The following SEPTIN11 variants were observed in gnomAD, a reference collection of about 807,000 sequenced individuals.
The protein encoded by SEPTIN11 is septin-11.
Under a neutral mutation model 51.4 loss-of-function variants are expected in SEPTIN11, and 25 were observed. That is an observed-to-expected ratio of 0.49 (90% CI 0.35 to 0.68). The LOEUF is 0.68. SEPTIN11 is among the 30% of genes least tolerant of loss of function. The pLI is 0.00. For missense variants in SEPTIN11, 381 were observed against 520.8 expected (o/e 0.73, Z 2.61); for synonymous variants, 174 against 184.1 (o/e 0.95, Z 0.44).
chr4:77,037,072 C>T lies in SEPTIN11; in HGVS notation c.*2560C>T, dbSNP rs902815048. 1.1e-5 allele frequency: 13 copies of T among 1,133,174 alleles called. No individual in the cohort carries two copies. The highest frequency in any genetic ancestry group is 1.6e-5 in the African/African-American group (1 of 61,184). The allele number at this position is 1,133,174 out of a possible 1,614,324, so 70.2% of individuals were successfully genotyped here. A position where few individuals can be genotyped will look rare whatever the true frequency, so the allele number is the denominator to read the frequency against. On this transcript the variant is annotated 3_prime_UTR_variant, in exon 10 of 10. Transcript: ENST00000264893. The stretch of plus-strand genomic sequence containing the variant: ...ACCTGAATTTGGAAATCCGAAATTA[C>T]TAATCCAGGCCAGGTGTGGTGGCTC...
intron 1 of SEPTIN11, among the ~76,000 whole-genome samples, chr4:76,993,851 T>C (rs1723511901): frequency 6.6e-6 from 1 of 152,240 alleles, no homozygotes; most frequent in Non-Finnish European, 1.5e-5. Flanking sequence ...TCATTTTGTA[T>C]GTGGTTTTCA....
At chr4:76,996,042 T>G (rs1723693201) in intron 1 of SEPTIN11, 2 of 1,039,962 alleles carry the variant, frequency 1.9e-6, no homozygotes, top group Admixed American at 4.9e-5. Flanking sequence ...TTTTTCACTA[T>G]GAGTTGACAG....
rs762196941 is a variant in SEPTIN11, at chr4:77,011,758, T to C, written c.362T>C (p.Ile121Thr). The change falls in exon 4 of 10, where the codon ATT becomes ACT. Residue 121 changes from isoleucine to threonine, a missense_variant. Around this residue, in one of 2 missense-constraint regions of SEPTIN11, gnomAD observed 184 missense variants for 207.7 expected, o/e 0.89. Transcript: ENST00000264893. Reference sequence around the variant, plus strand: ...AGCTATAAGCCGATAGTAGAATATATTGATGCCCAGTTCGAGGCCTACCTG... The same window carrying C: ...AGCTATAAGCCGATAGTAGAATATACTGATGCCCAGTTCGAGGCCTACCTG... ...DDSYKPIVEYIDAQFEAYLQE... is the reference protein window; with the variant it reads ...DDSYKPIVEYTDAQFEAYLQE... 1.2e-6 allele frequency: 2 copies of C among 1,614,122 alleles called. No individual in the cohort carries two copies. Among genetic ancestry groups the C allele is most frequent in the Non-Finnish European group, 1.7e-6 (2 of 1,179,976 alleles).
At chr4:76,955,096 T>C (rs1051123095) in intron 1 of SEPTIN11, among the ~76,000 whole-genome samples, 1 of 152,210 alleles carries the variant, frequency 6.6e-6, no homozygotes, top group East Asian at 1.9e-4. Flanking sequence ...AATTGATTTT[T>C]TTTCTCTTAT....
chr4:77,030,692 G>C, intron 8 of SEPTIN11, 91 bp from the exon 9 acceptor site: 1 of 1,222,924 alleles, frequency 8.2e-7, no homozygotes, highest in Non-Finnish European at 1.1e-6. Context: ...ACCGTGCCTG[G>C]CCATGTTTTG....
chr4:76,998,881 G>A (rs1723920613), intron 2 of SEPTIN11, among the ~76,000 whole-genome samples: 1 of 152,050 alleles, frequency 6.6e-6, no homozygotes. Context: ...TTAGTTACAT[G>A]CTCAGCCTGG....
chr4:77,030,789 G>A lies in SEPTIN11; in HGVS notation c.1093G>A (p.Glu365Lys), dbSNP rs780450396. Residue 365 changes from glutamate to lysine, a missense_variant, in exon 9 of 10, where the codon GAG becomes AAG. By Grantham distance (56) the Glu-to-Lys change is moderately conservative. This residue lies in a region of SEPTIN11 where 197 missense variants were observed against 313.1 expected (regional missense o/e 0.63). Coordinates refer to ENST00000264893, the MANE Select transcript of SEPTIN11 (RefSeq NM_018243.4). ...ELKEAEKELH[E>K]KFDLLKRTHQ... is the part of the protein sequence containing the mutation. ...GTTTTCTTTTTCTCTCCAGCTTCAC[G>A]AGAAGTTTGACCTTCTAAAGCGGAC... 3 of 1,583,978 alleles carry A rather than the reference G, an allele frequency of 1.9e-6. No homozygotes were observed. The highest frequency in any genetic ancestry group is 2.2e-5 in the East Asian group (1 of 44,636).
intron 4 of SEPTIN11, among the ~76,000 whole-genome samples, chr4:77,013,027 G>T (rs543904199): frequency 6.6e-6 from 1 of 152,294 alleles, no homozygotes; most frequent in South Asian, 2.1e-4. Context: ...CGGGTCTGTT[G>T]TGTCCTTGGA....
chr4:77,001,277 C>T (rs1724101941), intron 2 of SEPTIN11, among the ~76,000 whole-genome samples: 1 of 151,952 alleles, frequency 6.6e-6, no homozygotes. Context: ...AAACAACAAA[C>T]TCTGAAAAAA....
rs368247360 is a variant in SEPTIN11, at chr4:77,020,887, A to G, written c.953+217A>G. 1,068 of 521,660 alleles carry G rather than the reference A, an allele frequency of 2.0e-3. 25 individuals carry two copies. In the South Asian group the frequency reaches 0.026, roughly 13 times the overall value. 32.3% of individuals were successfully genotyped at this position (521,660 alleles called of 1,614,324 possible). ...TGTCATTATTATCCACATTTTACAG[A>G]TGAGGAAACAAAGGCACTGAAAGTG... On this transcript the variant is annotated intron_variant, in intron 7 of 9. Transcript: ENST00000264893.
chr4:76,956,989 TGTGTGAGAGAGAGAGA>T (rs943997975), intron 1 of SEPTIN11, among the ~76,000 whole-genome samples: 4 of 141,128 alleles, frequency 2.8e-5, no homozygotes, highest in Admixed American at 7.1e-5. Flanking sequence ...TGTGTGTGTG[TGTGTGAGAGAGAGAGA>T]GACAGAGACA....
chr4:76,990,067 C>CT (rs1160344768), intron 1 of SEPTIN11, among the ~76,000 whole-genome samples: 54 of 152,286 alleles, frequency 3.5e-4, no homozygotes, highest in African/African-American at 1.0e-3. Flanking sequence ...CGGGTTGCCG[C>CT]TGCTGGCTTG....
intron 3 of SEPTIN11, among the ~76,000 whole-genome samples, chr4:77,011,145 A>C (rs1048400152): frequency 2.0e-5 from 3 of 152,200 alleles, no homozygotes; most frequent in African/African-American, 7.2e-5. Context: ...CTATGGGAGC[A>C]CAGACAGCCC....
At chr4:76,986,451 A>G (rs746318433) in intron 1 of SEPTIN11, among the ~76,000 whole-genome samples, 2 of 152,202 alleles carry the variant, frequency 1.3e-5, no homozygotes, top group Non-Finnish European at 2.9e-5. Context: ...ATGGGCAAGG[A>G]TGGGCAAGAA....
Position 77,030,108 on chromosome 4 carries a change from T to G in SEPTIN11, c.1087-675T>G, listed in dbSNP as rs1204703628. Among the ~76,000 whole-genome samples, 3 of 152,002 alleles carry G rather than the reference T, an allele frequency of 2.0e-5. No individual in the cohort carries two copies. The East Asian group carries it at 5.9e-4, about 30-fold the overall frequency. On this transcript the variant is annotated intron_variant, in intron 8 of 9. Transcript: ENST00000264893. Reference sequence around the variant, plus strand: ...CCGTCTCTACTAAAGATACAAAAATTAGCTGGGTGTGGTGGCGCATGCCCA... The same window carrying G: ...CCGTCTCTACTAAAGATACAAAAATGAGCTGGGTGTGGTGGCGCATGCCCA...
At chr4:76,977,132 T>C (rs1337773096) in intron 1 of SEPTIN11, among the ~76,000 whole-genome samples, 1 of 152,098 alleles carries the variant, frequency 6.6e-6, no homozygotes, top group Non-Finnish European at 1.5e-5. Flanking sequence ...AGAGAGAGAA[T>C]ATGGCAGTAA....
At chr4:77,031,011 A>C (rs747840564) in intron 9 of SEPTIN11, 41 bp downstream of exon 9, 1 of 1,538,992 alleles carries the variant, frequency 6.5e-7, no homozygotes, top group Non-Finnish European at 8.8e-7. Flanking sequence ...ACCTCTAACA[A>C]TTTATTCCTC....
intron 1 of SEPTIN11, among the ~76,000 whole-genome samples, chr4:76,986,962 A>G (rs1324188904): frequency 6.6e-6 from 1 of 152,210 alleles, no homozygotes; most frequent in African/African-American, 2.4e-5. Context: ...CCCACACGGC[A>G]TTAATTTTGT....
intron 9 of SEPTIN11, among the ~76,000 whole-genome samples, chr4:77,033,511 G>A (rs1311631023): frequency 6.6e-6 from 1 of 152,168 alleles, no homozygotes; most frequent in Non-Finnish European, 1.5e-5. Context: ...GCATGAGAGT[G>A]TATAACATTT....
Sources: allele counts gnomAD v4.1 joint callset (sites outside exome capture counted in the v4.1 genomes callset), GRCh38; gene constraint gnomAD v4.1.1; regional missense constraint gnomAD v4.1.1; transcripts MANE v1.5; gene names NCBI Gene and HGNC (gene_info 2026-07-23, HGNC 2026-07-21).